PRKG1: variants seen among roughly 807,000 people sequenced by gnomAD.
The protein encoded by PRKG1 is cGMP-dependent protein kinase 1.
A neutral mutation model predicts 88.1 loss-of-function variants in PRKG1; 35 were observed. The observed-to-expected ratio is 0.40, with a 90% CI of 0.30 to 0.53. The LOEUF is 0.53. PRKG1 is among the 20% of genes least tolerant of loss of function. The pLI is 0.59. For synonymous variants in PRKG1, 303 were observed against 292.5 expected (o/e 1.04, Z -0.37); for missense variants, 540 against 839.8 (o/e 0.64, Z 4.41).
intron 2 of PRKG1, among the ~76,000 whole-genome samples, chr10:51,219,211 C>T (rs1838457435): frequency 6.6e-6 from 1 of 152,160 alleles, no homozygotes; most frequent in Non-Finnish European, 1.5e-5. Flanking sequence ...TTACACCGAA[C>T]ATAACTTATG....
intron 7 of PRKG1, among the ~76,000 whole-genome samples, chr10:52,100,054 T>C (rs1044010448): frequency 6.6e-6 from 1 of 152,102 alleles, no homozygotes; most frequent in Non-Finnish European, 1.5e-5. Context: ...AAGCCAAAAA[T>C]GTCAGTGGCA....
intron 9 of PRKG1, among the ~76,000 whole-genome samples, chr10:52,241,909 AG>A (rs1251191845): frequency 1.3e-5 from 2 of 152,228 alleles, no homozygotes; most frequent in Non-Finnish European, 2.9e-5. Context: ...AACAAAGCAA[AG>A]ACTCTTCTTA....
intron 9 of PRKG1, among the ~76,000 whole-genome samples, chr10:52,217,367 C>G (rs564108845): frequency 7.7e-6 from 1 of 129,776 alleles, no homozygotes; most frequent in African/African-American, 2.8e-5. Flanking sequence ...TATATATATA[C>G]ACATATACAC....
In PRKG1 at chr10:51,374,093, A is replaced by AAAATAT; in HGVS notation, c.479-93629_479-93628insAATATA. ...GCTGGCAGAGGTTGCAAAAAAAAAA[A>AAAATAT]ATATATATATATATATATATGTACT... On this transcript the variant is annotated intron_variant, in intron 2 of 17. Coordinates refer to ENST00000373980, the MANE Select transcript of PRKG1 (RefSeq NM_006258.4). Among the ~76,000 whole-genome samples the AAAATAT allele has an allele frequency of 5.7e-4, 57 of 100,188 alleles. 1 individual carries two copies. Among genetic ancestry groups the AAAATAT allele is most frequent in the Non-Finnish European group, 8.2e-4 (37 of 45,382 alleles). The allele number at this position is 100,188 out of a possible 152,430, so 65.7% of individuals were successfully genotyped here.
At chr10:51,819,794 C>T (rs1352973644) in intron 4 of PRKG1, among the ~76,000 whole-genome samples, 4 of 152,066 alleles carry the variant, frequency 2.6e-5, no homozygotes, top group African/African-American at 4.8e-5. Context: ...AGCTGAGGGT[C>T]TATGCTGAAG....
intron 2 of PRKG1, among the ~76,000 whole-genome samples, chr10:51,318,274 A>G (rs902873907): frequency 1.3e-5 from 2 of 152,194 alleles, no homozygotes; most frequent in East Asian, 3.8e-4. Context: ...CTTTCTAAAG[A>G]TAAAATGTCA....
chr10:51,200,899 A>C (rs1021604749), intron 2 of PRKG1, among the ~76,000 whole-genome samples: 3 of 152,184 alleles, frequency 2.0e-5, no homozygotes, highest in Non-Finnish European at 4.4e-5. Context: ...AAGATGATTG[A>C]CTACAGCTCA....
At chr10:51,481,926 G>A (rs1038144324) in intron 3 of PRKG1, among the ~76,000 whole-genome samples, 2 of 151,854 alleles carry the variant, frequency 1.3e-5, no homozygotes, top group African/African-American at 2.4e-5. Context: ...TTTAAGAGGG[G>A]GTTATATATC....
chr10:51,164,191 G>A (rs1343024455), intron 2 of PRKG1, among the ~76,000 whole-genome samples: 1 of 152,158 alleles, frequency 6.6e-6, no homozygotes, highest in Non-Finnish European at 1.5e-5. Flanking sequence ...GTACTTCTCT[G>A]AGACAGAACT....
chr10:51,943,829 C>T (rs1297442016), intron 5 of PRKG1, among the ~76,000 whole-genome samples: 1 of 151,908 alleles, frequency 6.6e-6, no homozygotes, highest in Admixed American at 6.6e-5. Flanking sequence ...GGATAAGCTT[C>T]TTGAGGTGCT....
chr10:51,541,886 A>T (rs1842312266), intron 3 of PRKG1, among the ~76,000 whole-genome samples: 1 of 152,200 alleles, frequency 6.6e-6, no homozygotes, highest in African/African-American at 2.4e-5. Context: ...TAAATGTAAA[A>T]TGTAAGATAG....
intron 3 of PRKG1, among the ~76,000 whole-genome samples, chr10:51,503,586 T>C (rs567794719): frequency 6.6e-6 from 1 of 152,316 alleles, no homozygotes; most frequent in South Asian, 2.1e-4. Flanking sequence ...AGCCAGCCTT[T>C]GAATCATCAA....
In PRKG1 at chr10:51,789,296, C is replaced by G. The variant is rs181209975; in HGVS notation, c.593-15289C>G. ...AAGTAGGCACACTGTTAAAAATGGCCCACCTGCAGGAAATTGTGTCATCAT... is the reference window on the plus strand; with the variant it reads ...AAGTAGGCACACTGTTAAAAATGGCGCACCTGCAGGAAATTGTGTCATCAT... On this transcript the variant is annotated intron_variant, in intron 3 of 17. Transcript: ENST00000373980. 7.6e-4 allele frequency among the ~76,000 whole-genome samples: 115 copies of G among 152,134 alleles called. 1 individual carries two copies. Among genetic ancestry groups the G allele is most frequent in the African/African-American group, 2.7e-3 (111 of 41,504 alleles).
intron 1 of PRKG1, among the ~76,000 whole-genome samples, chr10:51,108,146 G>T (rs1844892974): frequency 6.6e-6 from 1 of 151,998 alleles, no homozygotes; most frequent in South Asian, 2.1e-4. Flanking sequence ...GATCCAGAGG[G>T]CTTCACTGGT....
chr10:51,762,730 T>G (rs906270354), intron 3 of PRKG1, among the ~76,000 whole-genome samples: 9 of 152,194 alleles, frequency 5.9e-5, no homozygotes, highest in African/African-American at 2.2e-4. Flanking sequence ...GCTACTTAAT[T>G]ATAAACAATC....
intron 1 of PRKG1, among the ~76,000 whole-genome samples, chr10:51,130,353 G>A (rs1845533481): frequency 6.6e-6 from 1 of 152,000 alleles, no homozygotes; most frequent in African/African-American, 2.4e-5. Context: ...GAGAATCCCT[G>A]CCTAAGTGCC....
chr10:51,637,833 G>A (rs1839698187), intron 3 of PRKG1, among the ~76,000 whole-genome samples: 1 of 152,168 alleles, frequency 6.6e-6, no homozygotes, highest in African/African-American at 2.4e-5. Context: ...TTAATACTTA[G>A]GTGATGGGAT....
At chr10:51,851,330 A>G (rs1479886503) in intron 4 of PRKG1, among the ~76,000 whole-genome samples, 1 of 152,198 alleles carries the variant, frequency 6.6e-6, no homozygotes. Context: ...TTTCGTTATT[A>G]CAAGTGGAGT....
intron 1 of PRKG1, among the ~76,000 whole-genome samples, chr10:51,034,431 C>G (rs1167984646): frequency 6.6e-6 from 1 of 151,846 alleles, no homozygotes; most frequent in East Asian, 1.9e-4. Context: ...TTTCTAGAAA[C>G]ATAAAATTAT....
Sources: gnomAD v4.1 joint callset for allele counts (sites outside exome capture counted in the v4.1 genomes callset) on GRCh38, gnomAD v4.1.1 for gene constraint, MANE v1.5 for transcripts, NCBI Gene and HGNC (gene_info 2026-07-23, HGNC 2026-07-21) for gene names.